RCBTB2: variants seen among roughly 807,000 people sequenced by gnomAD.
RCBTB2 encodes RCC1 and BTB domain containing protein 2.
A neutral mutation model predicts 65.4 loss-of-function variants in RCBTB2; 55 were observed. The observed-to-expected ratio is 0.84, with a 90% CI of 0.68 to 1.05. The LOEUF (loss-of-function observed/expected upper bound fraction) is 1.05. Among genes scored for constraint, RCBTB2 ranks in the 50% least tolerant of loss-of-function variants. RCBTB2 has a pLI of 0.00. For synonymous variants in RCBTB2, 220 were observed against 255.2 expected, an observed-to-expected ratio of 0.86 and a Z score of 1.31; for missense variants, 599 against 680.1, an observed-to-expected ratio of 0.88 and a Z score of 1.33.
intron 1 of RCBTB2, among the ~76,000 whole-genome samples, chr13:48,528,184 T>G (rs776367175): frequency 2.0e-5 from 3 of 152,206 alleles, no homozygotes; most frequent in Non-Finnish European, 4.4e-5. Context: ...TAGGGACTTC[T>G]GTCCACATTA....
chr13:48,499,439 C>CT (rs1294992312), intron 13 of RCBTB2, among the ~76,000 whole-genome samples, 182 bp downstream of exon 13: 2 of 152,164 alleles, frequency 1.3e-5, no homozygotes, highest in Non-Finnish European at 2.9e-5. Flanking sequence ...TCTTCTCTCT[C>CT]TTATCTGTCC....
intron 14 of RCBTB2, among the ~76,000 whole-genome samples, chr13:48,494,851 T>G (rs1051483890): frequency 1.3e-5 from 2 of 152,168 alleles, no homozygotes; most frequent in African/African-American, 4.8e-5. Context: ...AATGTCATTG[T>G]TTTGAGGTAG....
Position 48,510,649 on chromosome 13 carries a change from A to G in RCBTB2, c.906T>C (p.Pro302=). The change falls in exon 10 of 15, where the codon CCT becomes CCC. Residue 302 remains proline (P), a synonymous_variant. Transcript: ENST00000344532. ...GTTACCTGTCCTTTTCCACAGTGACAGGAGTAGGATAGGACTGGTTGCTTT... is the reference window on the plus strand; with the variant it reads ...GTTACCTGTCCTTTTCCACAGTGACGGGAGTAGGATAGGACTGGTTGCTTT... ...GNKSNQSYPT[P]VTVEKDRIIE... The G allele has an allele frequency of 6.2e-7, 1 of 1,614,212 alleles. No individual in the cohort carries two copies. Among genetic ancestry groups the G allele is most frequent in the Non-Finnish European group, 8.5e-7 (1 of 1,180,034 alleles).
chr13:48,533,221 C>T (rs1952284663), upstream of RCBTB2: 1 of 338,630 alleles, frequency 3.0e-6, no homozygotes, highest in Non-Finnish European at 5.8e-6. Flanking sequence ...CGGCGTCTCG[C>T]CCCTCCTCTC....
intron 6 of RCBTB2, among the ~76,000 whole-genome samples, chr13:48,513,935 T>C (rs1010036954): frequency 1.3e-5 from 2 of 152,222 alleles, no homozygotes; most frequent in African/African-American, 4.8e-5. Flanking sequence ...TATATACTTA[T>C]GATAAAGTTT....
Position 48,499,431 on chromosome 13 carries a change from TTC to T in RCBTB2, c.1384+188_1384+189del, listed in dbSNP as rs1228889860. 3.9e-5 allele frequency among the ~76,000 whole-genome samples: 6 copies of T among 152,336 alleles called. No homozygotes were observed. In the East Asian group the frequency reaches 1.2e-3, roughly 29 times the overall value. ...CTCCACGGTGGTGATGATTTGATTC[TTC>T]TCTCTCTTATCTGTCCAGTCAACCT... On this transcript the variant is annotated intron_variant, in intron 13 of 14. Coordinates refer to ENST00000344532, the MANE Select transcript of RCBTB2 (RefSeq NM_001268.4).
chr13:48,524,432 G>A (rs1951596572), intron 2 of RCBTB2, among the ~76,000 whole-genome samples: 1 of 152,174 alleles, frequency 6.6e-6, no homozygotes, highest in South Asian at 2.1e-4. Context: ...AATGAAACAG[G>A]TTAATCATTG....
chr13:48,492,797 C>T (rs1949755818), intron 14 of RCBTB2, among the ~76,000 whole-genome samples: 1 of 152,196 alleles, frequency 6.6e-6, no homozygotes, highest in Admixed American at 6.5e-5. Flanking sequence ...CCTCTAAGCA[C>T]AGAGTGCTCA....
chr13:48,521,213 C>T (rs767398206), intron 4 of RCBTB2, among the ~76,000 whole-genome samples: 13 of 152,270 alleles, frequency 8.5e-5, no homozygotes, highest in East Asian at 1.9e-4. Context: ...AGTCTGCACA[C>T]GGTAATGCTA....
chr13:48,515,825 C>T, intron 4 of RCBTB2, 84 bp from the exon 5 acceptor site: 7 of 1,375,606 alleles, frequency 5.1e-6, no homozygotes, highest in Middle Eastern at 2.1e-4. Context: ...AGAGGGCGAA[C>T]ACTGGTTTTG....
chr13:48,519,744 T>TTGCTTTTAATTTCTGGCAGAAGG (rs1181725643), intron 4 of RCBTB2, among the ~76,000 whole-genome samples: 3 of 152,194 alleles, frequency 2.0e-5, no homozygotes, highest in Non-Finnish European at 4.4e-5. Flanking sequence ...TGTGAATACA[T>TTGCTTTTAATTTCTGGCAGAAGG]TGCTTTTAAT....
chr13:48,522,274 G>A (rs1348216422), intron 3 of RCBTB2, 34 bp downstream of exon 3: 1 of 1,325,006 alleles, frequency 7.5e-7, no homozygotes, highest in South Asian at 1.3e-5. Flanking sequence ...TTTCAGAGTT[G>A]ACTTCCTGTG....
At chr13:48,514,380 T>C (rs1010769739) in intron 6 of RCBTB2, among the ~76,000 whole-genome samples, 1 of 152,246 alleles carries the variant, frequency 6.6e-6, no homozygotes, top group South Asian at 2.1e-4. Context: ...TTAAAACTTA[T>C]GAATTGTTTA....
At chr13:48,517,660 A>C (rs2138581917) in intron 4 of RCBTB2, among the ~76,000 whole-genome samples, 1 of 152,274 alleles carries the variant, frequency 6.6e-6, no homozygotes, top group Admixed American at 6.5e-5. Context: ...CTTGTAAATA[A>C]AGCTTTGTTT....
At chr13:48,518,657 A>G (rs1951240911) in intron 4 of RCBTB2, among the ~76,000 whole-genome samples, 1 of 151,570 alleles carries the variant, frequency 6.6e-6, no homozygotes, top group Admixed American at 6.6e-5. Context: ...TTTTAGGAAC[A>G]CAGTGTTCTA....
chr13:48,508,126 T>C (rs951288137), intron 10 of RCBTB2, among the ~76,000 whole-genome samples: 1 of 152,106 alleles, frequency 6.6e-6, no homozygotes, highest in African/African-American at 2.4e-5. Flanking sequence ...CCACATTCAA[T>C]CCAGTTCCTA....
chr13:48,513,735 C>T (rs7322855), intron 6 of RCBTB2, among the ~76,000 whole-genome samples: 1,689 of 152,208 alleles, frequency 0.011, 22 homozygotes, highest in African/African-American at 0.039. Flanking sequence ...ATAATAAATA[C>T]AGCTGTCTTA....
chr13:48,529,520 G>A (rs905271420), intron 1 of RCBTB2, among the ~76,000 whole-genome samples: 1 of 152,196 alleles, frequency 6.6e-6, no homozygotes, highest in Non-Finnish European at 1.5e-5. Flanking sequence ...ATATACATAA[G>A]AGATATTAGC....
At chr13:48,500,488 G>A (rs1315891710) in intron 12 of RCBTB2, among the ~76,000 whole-genome samples, 2 of 152,180 alleles carry the variant, frequency 1.3e-5, no homozygotes, top group African/African-American at 2.4e-5. Flanking sequence ...AACCTGGGAG[G>A]AGGAGGTTGC....
Sources: allele counts gnomAD v4.1 joint callset (sites outside exome capture counted in the v4.1 genomes callset), GRCh38; gene constraint gnomAD v4.1.1; transcripts MANE v1.5; gene names NCBI Gene and HGNC (gene_info 2026-07-23, HGNC 2026-07-21).